Variants in RELN observed in about 807,000 individuals in gnomAD.
RELN encodes reelin.
In RELN, 108 loss-of-function variants were observed where a neutral mutation model predicts 427.6. The observed-to-expected ratio is 0.25, with a 90% CI of 0.22 to 0.30. The LOEUF is 0.30. Among genes scored for constraint, RELN ranks in the 10% least tolerant of loss-of-function variants. The pLI is 1.00. For missense variants in RELN, 3,715 were observed against 4,302.8 expected, an observed-to-expected ratio of 0.86 and a Z score of 3.82; for synonymous variants, 1,524 against 1,513.4, an observed-to-expected ratio of 1.01 and a Z score of -0.16.
intron 19 of RELN, 102 bp downstream of exon 19, chr7:103,635,323 T>TC (rs1832554990): frequency 1.5e-6 from 2 of 1,291,492 alleles, no homozygotes; most frequent in Non-Finnish European, 2.2e-6. Context: ...GCGCTCCATC[T>TC]GTCAATGGAA....
intron 24 of RELN, among the ~76,000 whole-genome samples, chr7:103,601,585 T>C (rs988050803): frequency 2.0e-5 from 3 of 152,200 alleles, no homozygotes; most frequent in African/African-American, 4.8e-5. Flanking sequence ...TTGGTGGCTA[T>C]ATTACCTGCT....
At chr7:103,820,033 A>ACAAAAT in intron 3 of RELN, among the ~76,000 whole-genome samples, 1 of 152,040 alleles carries the variant, frequency 6.6e-6, no homozygotes, top group Admixed American at 6.6e-5. Flanking sequence ...TTTACAAAAT[A>ACAAAAT]TACAATAATA....
intron 46 of RELN, among the ~76,000 whole-genome samples, chr7:103,532,018 T>C (rs1388773124): frequency 2.0e-5 from 3 of 152,054 alleles, no homozygotes. Flanking sequence ...GTATTCACAA[T>C]AACAAAGACA....
At chr7:103,532,671 T>C (rs2907930) in intron 46 of RELN, among the ~76,000 whole-genome samples, 151,467 of 152,254 alleles carry the variant, frequency 0.99, 75,350 homozygotes, top group Middle Eastern at 1. Context: ...AATACACCTG[T>C]CCCCTCCTAC....
chr7:103,558,071 T>C (rs1346147021), intron 36 of RELN, 22 bp from the exon 37 acceptor site: 1 of 1,233,492 alleles, frequency 8.1e-7, no homozygotes, highest in Admixed American at 1.7e-5. Flanking sequence ...AACATATACG[T>C]TAAGCAACTT....
chr7:103,730,125 T>C (rs1584442212), intron 6 of RELN, among the ~76,000 whole-genome samples: 1 of 152,122 alleles, frequency 6.6e-6, no homozygotes, highest in African/African-American at 2.4e-5. Context: ...AGAAAAAAAG[T>C]AAAAGAATGT....
At chr7:103,623,282 A>G (rs563061337) in intron 20 of RELN, among the ~76,000 whole-genome samples, 3 of 152,334 alleles carry the variant, frequency 2.0e-5, no homozygotes, top group African/African-American at 7.2e-5. Flanking sequence ...TCAGCAGTAC[A>G]ATTTTAGTTG....
chr7:103,552,985 G>C (rs1421324758), intron 40 of RELN, among the ~76,000 whole-genome samples: 2 of 151,876 alleles, frequency 1.3e-5, no homozygotes, highest in Non-Finnish European at 1.5e-5. Context: ...ACAAATAAAA[G>C]GAGTGCATAA....
chr7:103,792,571 TG>T (rs1792193892), intron 3 of RELN, among the ~76,000 whole-genome samples: 1 of 13,770 alleles, frequency 7.3e-5, no homozygotes, highest in African/African-American at 2.9e-4. Context: ...GATGGGGGGA[TG>T]GGGGGATGGG....
chr7:103,565,534 C>T lies in RELN; in HGVS notation c.4954G>A (p.Glu1652Lys). Residue 1652 changes from glutamate (E) to lysine (K), a missense_variant, in exon 34 of 65, where the codon GAG (glutamate) becomes AAG (lysine). Physicochemically the swap from Glu to Lys is moderately conservative, Grantham distance 56. This residue lies in a region of RELN where 2,208 missense variants were observed against 2,361.7 expected (regional missense o/e 0.93). Coordinates refer to ENST00000428762, the MANE Select transcript of RELN (RefSeq NM_005045.4). The part of the protein sequence containing the change: ...TENIGKPRYA[E>K]TWDFHVSAST... Reference sequence around the variant, plus strand: ...GCTGACACATGAAAATCCCAGGTCTCAGCATAACGAGGTTTTCCTGAAAAA... The same window carrying T: ...GCTGACACATGAAAATCCCAGGTCTTAGCATAACGAGGTTTTCCTGAAAAA... 6.2e-7 allele frequency: 1 copy of T among 1,610,750 alleles called. No individual in the cohort carries two copies. The highest frequency in any genetic ancestry group is 2.2e-5 in the East Asian group (1 of 44,792).
At chr7:103,979,360 C>T (rs1029717207) in intron 1 of RELN, among the ~76,000 whole-genome samples, 2 of 152,222 alleles carry the variant, frequency 1.3e-5, no homozygotes, top group African/African-American at 4.8e-5. Context: ...TGCCATCCCT[C>T]ATGCTTCACT....
At chr7:103,685,154 T>C (rs1191687941) in intron 10 of RELN, among the ~76,000 whole-genome samples, 2 of 152,202 alleles carry the variant, frequency 1.3e-5, no homozygotes, top group East Asian at 3.8e-4. Flanking sequence ...TAAGTTTGCA[T>C]TGTATAACAT....
At chr7:103,751,179 T>C (rs1448955086) in intron 5 of RELN, among the ~76,000 whole-genome samples, 29 of 152,246 alleles carry the variant, frequency 1.9e-4, no homozygotes. Context: ...TTGTTTGAAC[T>C]AGCTAACAGA....
At chr7:103,778,842 G>A (rs562705514) in intron 3 of RELN, among the ~76,000 whole-genome samples, 3 of 152,252 alleles carry the variant, frequency 2.0e-5, no homozygotes, top group African/African-American at 7.2e-5. Flanking sequence ...AACAAATATG[G>A]AATTCCAATG....
intron 1 of RELN, among the ~76,000 whole-genome samples, chr7:103,941,108 GACAC>G (rs1796104872): frequency 6.6e-6 from 1 of 150,862 alleles, no homozygotes; most frequent in African/African-American, 2.5e-5. Context: ...CCATCAGGTT[GACAC>G]GAGACTGACA....
At chr7:103,704,257 C>T (rs1310598606) in intron 8 of RELN, among the ~76,000 whole-genome samples, 1 of 151,988 alleles carries the variant, frequency 6.6e-6, no homozygotes, top group Non-Finnish European at 1.5e-5. Flanking sequence ...ACCAATTATG[C>T]CTATGAATTT....
chr7:103,694,251 G>A (rs113188390), intron 10 of RELN, among the ~76,000 whole-genome samples: 2 of 152,112 alleles, frequency 1.3e-5, no homozygotes, highest in African/African-American at 2.4e-5. Context: ...CAATCAAGAA[G>A]CACGTCAGTT....
At chr7:103,867,122 G>T (rs2116512803) in intron 2 of RELN, among the ~76,000 whole-genome samples, 1 of 152,144 alleles carries the variant, frequency 6.6e-6, no homozygotes, top group South Asian at 2.1e-4. Flanking sequence ...CATGAGTTCT[G>T]CAACAGCTGA....
At chr7:103,705,505 A>AGATCATAC in intron 8 of RELN, among the ~76,000 whole-genome samples, 1 of 152,368 alleles carries the variant, frequency 6.6e-6, no homozygotes, top group African/African-American at 2.4e-5. Context: ...AGCCTTAAAC[A>AGATCATAC]GATCATACTT....
Sources: allele counts gnomAD v4.1 joint callset (sites outside exome capture counted in the v4.1 genomes callset), GRCh38; gene constraint gnomAD v4.1.1; regional missense constraint gnomAD v4.1.1; transcripts MANE v1.5; gene names NCBI Gene and HGNC (gene_info 2026-07-23, HGNC 2026-07-21).